The following ABI1 variants were observed in gnomAD, a reference collection of about 807,000 sequenced individuals.
The protein encoded by ABI1 is Abelson interactor 1.
In ABI1, 14 loss-of-function variants were observed where a neutral mutation model predicts 54.6. That is an observed-to-expected ratio of 0.26 (90% CI 0.17 to 0.40). ABI1 has a LOEUF of 0.40. Among genes scored for constraint, ABI1 ranks in the 10% least tolerant of loss-of-function variants. The pLI, the probability that ABI1 is intolerant of heterozygous loss-of-function variation, is 1.00. For missense variants in ABI1, 443 were observed against 598.3 expected (o/e 0.74, Z 2.71); for synonymous variants, 194 against 209.3 (o/e 0.93, Z 0.63).
At chr10:26,851,446 C>T (rs2050387754) in intron 1 of ABI1, among the ~76,000 whole-genome samples, 1 of 146,702 alleles carries the variant, frequency 6.8e-6, no homozygotes, top group Admixed American at 7.2e-5. Context: ...CCACCTCAAC[C>T]TCCCAAGTAA....
At chr10:26,773,926 G>C (rs1841061466) in intron 3 of ABI1, among the ~76,000 whole-genome samples, 1 of 152,072 alleles carries the variant, frequency 6.6e-6, no homozygotes, top group Non-Finnish European at 1.5e-5. Flanking sequence ...TATCTTTTAA[G>C]ACCAATAATA....
intron 1 of ABI1, among the ~76,000 whole-genome samples, chr10:26,825,001 G>C (rs2048218330): frequency 6.6e-6 from 1 of 152,142 alleles, no homozygotes; most frequent in African/African-American, 2.4e-5. Context: ...ACCATCTTCA[G>C]AGCCTTCAGA....
In ABI1 at chr10:26,853,310, T is replaced by A. The variant is rs942182751; in HGVS notation, c.117+7437A>T. Among the ~76,000 whole-genome samples, 189 of 140,790 alleles carry A rather than the reference T, an allele frequency of 1.3e-3. 1 individual carries two copies. The highest frequency in any genetic ancestry group is 5.2e-3 in the African/African-American group (184 of 35,556). 92.4% of individuals were successfully genotyped at this position (140,790 alleles called of 152,430 possible). A position where few individuals can be genotyped will look rare whatever the true frequency, so the allele number is the denominator to read the frequency against. ...TTTCTCAACAATGCCCTTTTTTTTT[T>A]TTAAAAAAAATCCCTTTTTTCTAAC... On this transcript the variant is annotated intron_variant, in intron 1 of 10. Coordinates refer to ENST00000376140, the MANE Select transcript of ABI1 (RefSeq NM_001012750.3).
chr10:26,825,889 G>T (rs1006004619), intron 1 of ABI1, among the ~76,000 whole-genome samples: 1 of 152,034 alleles, frequency 6.6e-6, no homozygotes, highest in African/African-American at 2.4e-5. Flanking sequence ...CCACTTCTTC[G>T]GGCTCCAATT....
intron 7 of ABI1, among the ~76,000 whole-genome samples, chr10:26,762,109 C>T (rs1178073219): frequency 6.6e-6 from 1 of 152,150 alleles, no homozygotes; most frequent in Non-Finnish European, 1.5e-5. Flanking sequence ...CAGGCTCAAG[C>T]CATCCTCCCA....
intron 2 of ABI1, among the ~76,000 whole-genome samples, chr10:26,799,931 A>G (rs1314229704): frequency 6.6e-6 from 1 of 151,618 alleles, no homozygotes; most frequent in East Asian, 1.9e-4. Context: ...AGATTTCCAT[A>G]TTATCACAGA....
intron 2 of ABI1, among the ~76,000 whole-genome samples, chr10:26,814,522 G>A (rs1434990507): frequency 2.0e-5 from 3 of 152,188 alleles, no homozygotes; most frequent in South Asian, 2.1e-4. Context: ...GAATTTAACA[G>A]TTGCACACTT....
At chr10:26,764,319 C>G (rs943902325) in intron 7 of ABI1, among the ~76,000 whole-genome samples, 7 of 152,068 alleles carry the variant, frequency 4.6e-5, no homozygotes, top group Non-Finnish European at 8.8e-5. Flanking sequence ...CAATGCTCTC[C>G]AAGGATTTCT....
intron 3 of ABI1, among the ~76,000 whole-genome samples, chr10:26,773,153 C>T (rs1840917365): frequency 4.1e-5 from 6 of 148,096 alleles, no homozygotes; most frequent in Admixed American, 3.5e-4. Flanking sequence ...TTTGATTCCT[C>T]CCTATCTTCT....
chr10:26,802,077 G>A (rs976383422), intron 2 of ABI1, among the ~76,000 whole-genome samples: 8 of 152,156 alleles, frequency 5.3e-5, no homozygotes, highest in Non-Finnish European at 1.0e-4. Flanking sequence ...AGAACTAAAC[G>A]AAGAGTGGGC....
chr10:26,834,159 G>A (rs756978058), intron 1 of ABI1, among the ~76,000 whole-genome samples: 2 of 152,164 alleles, frequency 1.3e-5, no homozygotes, highest in Admixed American at 6.5e-5. Flanking sequence ...GAACCCGGAA[G>A]GTGGAGGTTG....
At chr10:26,796,558 C>T (rs1342057079) in intron 2 of ABI1, among the ~76,000 whole-genome samples, 2 of 152,080 alleles carry the variant, frequency 1.3e-5, no homozygotes, top group Non-Finnish European at 2.9e-5. Flanking sequence ...ATGATGTTCA[C>T]ACAACAAAAT....
chr10:26,788,147 T>C (rs966281305), intron 2 of ABI1, among the ~76,000 whole-genome samples: 3 of 152,172 alleles, frequency 2.0e-5, no homozygotes, highest in South Asian at 2.1e-4. Flanking sequence ...CGAGATCTGA[T>C]GGTTTAATCA....
chr10:26,799,406 C>T (rs1178197687), intron 2 of ABI1, among the ~76,000 whole-genome samples: 3 of 152,040 alleles, frequency 2.0e-5, no homozygotes, highest in East Asian at 3.9e-4. Flanking sequence ...TTATAATTTA[C>T]ACTGTGCTCT....
intron 6 of ABI1, 56 bp downstream of exon 6, chr10:26,768,796 C>T (rs752727648): frequency 1.5e-5 from 22 of 1,514,936 alleles, no homozygotes; most frequent in African/African-American, 2.8e-5. Context: ...AGGAGTTTGT[C>T]GCCAGTCAGT....
At chr10:26,843,489 T>TAC (rs2049742161) in intron 1 of ABI1, among the ~76,000 whole-genome samples, 2 of 23,830 alleles carry the variant, frequency 8.4e-5, no homozygotes, top group Non-Finnish European at 1.6e-4. Flanking sequence ...AAAAAAAATA[T>TAC]ATATATATAT....
chr10:26,858,801 G>T (rs891117977), intron 1 of ABI1, among the ~76,000 whole-genome samples: 1 of 152,130 alleles, frequency 6.6e-6, no homozygotes, highest in East Asian at 1.9e-4. Flanking sequence ...GTTAAAACAC[G>T]TTTACAGTTA....
At chr10:26,783,391 CTATACTT>C (rs1842374700) in intron 2 of ABI1, among the ~76,000 whole-genome samples, 1 of 152,182 alleles carries the variant, frequency 6.6e-6, no homozygotes, top group Non-Finnish European at 1.5e-5. Flanking sequence ...AACATTGTAA[CTATACTT>C]AACACCACTG....
intron 1 of ABI1, among the ~76,000 whole-genome samples, chr10:26,837,455 G>A (rs72629734): frequency 0.023 from 3,502 of 152,234 alleles, 239 homozygotes; most frequent in East Asian, 0.2. Context: ...TGGGGGAGAC[G>A]GGTTTGAGGC....
Sources: gnomAD v4.1 joint callset for allele counts (sites outside exome capture counted in the v4.1 genomes callset) on GRCh38, gnomAD v4.1.1 for gene constraint, MANE v1.5 for transcripts, NCBI Gene and HGNC (gene_info 2026-07-23, HGNC 2026-07-21) for gene names.